Variants in INSC observed in about 807,000 individuals in gnomAD.
INSC encodes protein inscuteable homolog.
INSC carries 67 observed loss-of-function variants against 58.6 expected under a neutral mutation model. The observed-to-expected ratio is 1.14, with a 90% CI of 0.94 to 1.40. The LOEUF (loss-of-function observed/expected upper bound fraction) is 1.40, where lower values mean the gene tolerates loss of function less well. Among genes scored for constraint, INSC ranks in the 40% most tolerant of loss-of-function variants. The pLI, the probability that INSC is intolerant of heterozygous loss-of-function variation, is 0.00. For synonymous variants in INSC, 262 were observed against 276.1 expected (o/e 0.95, Z 0.51); for missense variants, 714 against 692.0 (o/e 1.03, Z -0.36).
chr11:15,152,573 G>A (rs1366810965), intron 2 of INSC, among the ~76,000 whole-genome samples: 1 of 152,192 alleles, frequency 6.6e-6, no homozygotes, highest in Non-Finnish European at 1.5e-5. Context: ...GCCCATAAAA[G>A]CTTGTCGTCC....
At chr11:15,149,661 G>C (rs1848588451) in intron 2 of INSC, among the ~76,000 whole-genome samples, 1 of 152,144 alleles carries the variant, frequency 6.6e-6, no homozygotes, top group Admixed American at 6.5e-5. Context: ...AATGAGGGAG[G>C]GTGGGAAAGG....
Position 15,134,618 on chromosome 11 carries a change from G to A in INSC, c.-45-14512G>A, listed in dbSNP as rs533535545. ...CACCATCTCCTCCAGCACTGAGGAA[G>A]AAGTGACTTCCATGTGTGTAGCACA... On this transcript the variant is annotated intron_variant, in intron 1 of 12. Coordinates refer to ENST00000379556, the MANE Select transcript of INSC (RefSeq NM_001042536.3). Among the ~76,000 whole-genome samples the A allele has an allele frequency of 2.6e-5, 4 of 152,324 alleles. No individual in the cohort carries two copies. The East Asian group carries it at 7.7e-4, about 29-fold the overall frequency.
intron 11 of INSC, 38 bp downstream of exon 11, chr11:15,239,112 G>T (rs200748540): frequency 1.3e-6 from 2 of 1,583,478 alleles, no homozygotes; most frequent in Non-Finnish European, 1.7e-6. Context: ...GAGTGGAGTG[G>T]GGGTATTGGG....
chr11:15,111,535 C>T (rs111384301), upstream of INSC, among the ~76,000 whole-genome samples: 1,552 of 152,280 alleles, frequency 0.01, 12 homozygotes, highest in Middle Eastern at 0.058. Context: ...TGGACCAGTC[C>T]TGAGGCGCCT....
At chr11:15,162,323 C>T (rs572510074) in intron 2 of INSC, among the ~76,000 whole-genome samples, 1 of 152,124 alleles carries the variant, frequency 6.6e-6, no homozygotes, top group South Asian at 2.1e-4. Context: ...ACAAAGCAGG[C>T]ATCTCCCTCT....
the INSC span, among the ~76,000 whole-genome samples, chr11:15,264,431 G>A: frequency 2.1e-5 from 3 of 144,532 alleles, no homozygotes; most frequent in African/African-American, 7.8e-5. Context: ...AAGGTCAGTA[G>A]CCTTAATTAC....
chr11:15,154,845 A>G (rs949293273), intron 2 of INSC, among the ~76,000 whole-genome samples: 1 of 151,870 alleles, frequency 6.6e-6, no homozygotes, highest in African/African-American at 2.4e-5. Flanking sequence ...TGCCACAGGG[A>G]TAGGAAAGCA....
chr11:15,177,637 C>T (rs1037946081), intron 4 of INSC, among the ~76,000 whole-genome samples: 19 of 152,242 alleles, frequency 1.2e-4, no homozygotes, highest in African/African-American at 4.3e-4. Context: ...ATTTCACACA[C>T]ATAAACCTAC....
intron 2 of INSC, among the ~76,000 whole-genome samples, chr11:15,173,485 C>T (rs1258091409): frequency 6.6e-6 from 1 of 151,966 alleles, no homozygotes; most frequent in Non-Finnish European, 1.5e-5. Flanking sequence ...TGCAATCAAA[C>T]CGTACATGAG....
chr11:15,257,967 C>A, the INSC span, among the ~76,000 whole-genome samples: 2 of 152,094 alleles, frequency 1.3e-5, no homozygotes, highest in African/African-American at 4.8e-5. Flanking sequence ...TACACATGAA[C>A]TTCAAGACAA....
chr11:15,159,852 G>A (rs923630276), intron 2 of INSC, among the ~76,000 whole-genome samples: 11 of 152,174 alleles, frequency 7.2e-5, no homozygotes, highest in African/African-American at 4.8e-5. Context: ...CATAGGGCCC[G>A]TCCTCAATTA....
At chr11:15,190,946 G>C (rs1850147116) in intron 6 of INSC, 132 bp downstream of exon 6, 2 of 601,816 alleles carry the variant, frequency 3.3e-6, no homozygotes, top group Admixed American at 2.7e-5. Flanking sequence ...CCTTGGGAGA[G>C]TCACTTATCC....
the INSC span, among the ~76,000 whole-genome samples, chr11:15,252,761 G>A: frequency 6.6e-6 from 1 of 152,176 alleles, no homozygotes; most frequent in Admixed American, 6.5e-5. Flanking sequence ...AAGAGTGGAT[G>A]AATTATCAAA....
chr11:15,262,046 T>C, the INSC span, among the ~76,000 whole-genome samples: 1 of 151,724 alleles, frequency 6.6e-6, no homozygotes, highest in Non-Finnish European at 1.5e-5. Context: ...AATACTGGAG[T>C]GCAAGACAGG....
the INSC span, among the ~76,000 whole-genome samples, chr11:15,265,828 C>CT: frequency 9.3e-3 from 1,194 of 128,674 alleles, 16 homozygotes; most frequent in African/African-American, 0.032. Context: ...ATTGTTCTTG[C>CT]TTTTTTTTTT....
intron 7 of INSC, among the ~76,000 whole-genome samples, chr11:15,215,223 T>G (rs1157367306): frequency 6.6e-6 from 1 of 152,150 alleles, no homozygotes; most frequent in Non-Finnish European, 1.5e-5. Context: ...CCATTCCATG[T>G]AAAATCTAAT....
At chr11:15,233,768 CAAGT>C (rs957457491) in intron 9 of INSC, among the ~76,000 whole-genome samples, 1 of 151,948 alleles carries the variant, frequency 6.6e-6, no homozygotes, top group Non-Finnish European at 1.5e-5. Context: ...ATCTGCATGT[CAAGT>C]AAGTGTTTTT....
intron 7 of INSC, among the ~76,000 whole-genome samples, chr11:15,215,347 G>A (rs934970823): frequency 1.3e-5 from 2 of 152,210 alleles, no homozygotes; most frequent in African/African-American, 4.8e-5. Context: ...GGTGATTTGG[G>A]GATGCAGACT....
intron 2 of INSC, among the ~76,000 whole-genome samples, chr11:15,155,113 G>A (rs535771149): frequency 6.6e-6 from 1 of 152,288 alleles, no homozygotes; most frequent in South Asian, 2.1e-4. Context: ...ATGGATCCTA[G>A]CATTCTAACA....
Sources: gnomAD v4.1 joint callset for allele counts (sites outside exome capture counted in the v4.1 genomes callset) on GRCh38, gnomAD v4.1.1 for gene constraint, MANE v1.5 for transcripts, NCBI Gene and HGNC (gene_info 2026-07-23, HGNC 2026-07-21) for gene names.